ZC4H2: variants seen among roughly 807,000 people sequenced by gnomAD.
ZC4H2 encodes zinc finger C4H2 domain-containing protein.
For synonymous variants in ZC4H2, 84 were observed against 66.3 expected (o/e 1.27, Z -1.30); for missense variants, 137 against 173.9 (o/e 0.79, Z 1.19).
chrX:64,975,285 G>A (rs1334165538), intron 1 of ZC4H2, among the ~76,000 whole-genome samples: 3 of 111,346 alleles, frequency 2.7e-5, no homozygotes, highest in African/African-American at 9.8e-5. Context: ...TAGAAAGAGA[G>A]ATGCAACCCC....
chrX:64,965,246 A>G (rs182729620), intron 1 of ZC4H2, among the ~76,000 whole-genome samples: 240 of 111,990 alleles, frequency 2.1e-3, no homozygotes, highest in Middle Eastern at 0.019. Flanking sequence ...AGAATAATGA[A>G]GTTGGAGAAC....
chrX:64,953,563 A>C (rs1487286188), intron 1 of ZC4H2, among the ~76,000 whole-genome samples: 1 of 112,630 alleles, frequency 8.9e-6, no homozygotes, highest in Non-Finnish European at 1.9e-5. Context: ...CATAAGTCAC[A>C]TGAAAAAGTG....
At chrX:65,004,761 G>A (rs1432500563) in intron 1 of ZC4H2, among the ~76,000 whole-genome samples, 1 of 112,025 alleles carries the variant, frequency 8.9e-6, no homozygotes, top group Non-Finnish European at 1.9e-5. Flanking sequence ...GAAATAAAGT[G>A]TGTTAAATAG....
At chrX:64,984,494 T>A (rs747351564) in intron 1 of ZC4H2, among the ~76,000 whole-genome samples, 108 of 111,563 alleles carry the variant, frequency 9.7e-4, no homozygotes, top group African/African-American at 3.4e-3. Context: ...AAGCTTGTTT[T>A]CTTGCACTGA....
intron 1 of ZC4H2, among the ~76,000 whole-genome samples, chrX:64,970,983 A>C (rs778947262): frequency 1.8e-5 from 2 of 112,032 alleles, no homozygotes; most frequent in Non-Finnish European, 3.8e-5. Flanking sequence ...TGAGAAATGA[A>C]TTTCACCTCA....
In ZC4H2 at chrX:64,917,114, T is replaced by C. The variant is rs1291140089; in HGVS notation, c.*669A>G. The stretch of plus-strand genomic sequence containing the variant: ...TACTAGAATTTGCAAAGACTAGATA[T>C]TGGGGAAAGGTTCATTGATCTTAAG... On this transcript the variant is annotated 3_prime_UTR_variant, in exon 5 of 5. Transcript: ENST00000374839. The C allele has an allele frequency of 8.9e-6, 1 of 111,851 alleles. No homozygotes were observed. Among genetic ancestry groups the C allele is most frequent in the Non-Finnish European group, 1.9e-5 (1 of 53,132 alleles). The allele number at this position is 111,851 out of a possible 1,213,427, so 9.2% of individuals were successfully genotyped here. A position where few individuals can be genotyped will look rare whatever the true frequency, so the allele number is the denominator to read the frequency against.
intron 1 of ZC4H2, among the ~76,000 whole-genome samples, chrX:64,989,416 C>T (rs1012776934): frequency 9.0e-6 from 1 of 111,570 alleles, no homozygotes; most frequent in Non-Finnish European, 1.9e-5. Flanking sequence ...TTGTAGTTCT[C>T]CTTGAAGAGG....
intron 1 of ZC4H2, among the ~76,000 whole-genome samples, chrX:65,014,602 T>C (rs1932785424): frequency 8.9e-6 from 1 of 111,979 alleles, no homozygotes; most frequent in Admixed American, 9.5e-5. Context: ...TTTGCACTTT[T>C]TGGCTGTAAT....
chrX:65,001,787 G>C (rs1344972032), intron 1 of ZC4H2, among the ~76,000 whole-genome samples: 1 of 111,846 alleles, frequency 8.9e-6, no homozygotes, highest in African/African-American at 3.3e-5. Context: ...AGCAGGGGTT[G>C]CAATCCTAGT....
chrX:65,018,963 T>G (rs1932815646), intron 1 of ZC4H2, among the ~76,000 whole-genome samples: 1 of 111,617 alleles, frequency 9.0e-6, no homozygotes, highest in African/African-American at 3.3e-5. Flanking sequence ...GCAAGGCCAC[T>G]GCGGCCAGAA....
At chrX:64,984,541 G>A (rs1932142439) in intron 1 of ZC4H2, among the ~76,000 whole-genome samples, 1 of 111,167 alleles carries the variant, frequency 9.0e-6, no homozygotes, top group Admixed American at 9.5e-5. Context: ...GACCAGATGA[G>A]CCAGTTTACT....
At chrX:64,970,148 T>A (rs768729236) in intron 1 of ZC4H2, among the ~76,000 whole-genome samples, 1 of 112,275 alleles carries the variant, frequency 8.9e-6, no homozygotes, top group Non-Finnish European at 1.9e-5. Context: ...CTTACTCCAG[T>A]CTGGTGAGAA....
chrX:64,968,080 G>C (rs1931650037), intron 1 of ZC4H2, among the ~76,000 whole-genome samples: 1 of 106,857 alleles, frequency 9.4e-6, no homozygotes, highest in African/African-American at 3.8e-5. Flanking sequence ...TAAGTGACAG[G>C]AACTGAAAGC....
At chrX:64,920,346 C>T in intron 2 of ZC4H2, 93 bp from the exon 3 acceptor site, 1 of 962,653 alleles carries the variant, frequency 1.0e-6, no homozygotes, top group Non-Finnish European at 1.4e-6. Context: ...AGCTCCAGAA[C>T]TTGTTCAGTC....
At chrX:64,992,200 C>G (rs1445738372) in intron 1 of ZC4H2, among the ~76,000 whole-genome samples, 1 of 111,587 alleles carries the variant, frequency 9.0e-6, no homozygotes, top group African/African-American at 3.3e-5. Flanking sequence ...CAAACCATGC[C>G]TTATTTCAGT....
chrX:65,030,570 C>A (rs1932924217), intron 1 of ZC4H2, among the ~76,000 whole-genome samples: 1 of 112,199 alleles, frequency 8.9e-6, no homozygotes, highest in Non-Finnish European at 1.9e-5. Flanking sequence ...CTTCTTGCAT[C>A]ATTAGATTAT....
chrX:65,016,881 A>T (rs755117395), intron 1 of ZC4H2, among the ~76,000 whole-genome samples: 1 of 111,831 alleles, frequency 8.9e-6, no homozygotes, highest in East Asian at 2.8e-4. Context: ...AACTTTGATG[A>T]TCCCAGCAAA....
At chrX:64,952,415 G>C (rs1168725682) in intron 1 of ZC4H2, among the ~76,000 whole-genome samples, 1 of 109,454 alleles carries the variant, frequency 9.1e-6, no homozygotes, top group Admixed American at 9.8e-5. Flanking sequence ...TCACAATATT[G>C]ACCCCATCAT....
At chrX:64,938,591 T>C (rs1272897494) in intron 1 of ZC4H2, among the ~76,000 whole-genome samples, 2 of 111,628 alleles carry the variant, frequency 1.8e-5, no homozygotes, top group African/African-American at 3.3e-5. Flanking sequence ...TCCACTACGA[T>C]CAAGTTGGCT....
Sources: gnomAD v4.1 joint callset for allele counts (sites outside exome capture counted in the v4.1 genomes callset) on GRCh38, gnomAD v4.1.1 for gene constraint, MANE v1.5 for transcripts, NCBI Gene and HGNC (gene_info 2026-07-23, HGNC 2026-07-21) for gene names.